The following ZNF782 variants were observed in gnomAD, a reference collection of about 807,000 sequenced individuals.
The protein encoded by ZNF782 is zinc finger protein 782.
In ZNF782, 12 loss-of-function variants were observed where a neutral mutation model predicts 13.0. The observed-to-expected ratio is 0.92, with a 90% CI of 0.59 to 1.50. The LOEUF is 1.50. Ranked by LOEUF, ZNF782 falls within the 40% of genes most tolerant of loss-of-function variation. ZNF782 has a pLI of 0.00. For synonymous variants in ZNF782, 284 were observed against 283.0 expected (o/e 1.00, Z -0.04); for missense variants, 770 against 822.9 (o/e 0.94, Z 0.79).
intron 4 of ZNF782, among the ~76,000 whole-genome samples, chr9:96,834,583 C>A (rs572478837): frequency 2.0e-5 from 3 of 152,208 alleles, no homozygotes; most frequent in Non-Finnish European, 4.4e-5. Flanking sequence ...TTTGCACATG[C>A]TTGCTCCCCT....
At chr9:96,917,353 C>T in the ZNF782 span, among the ~76,000 whole-genome samples, 3,739 of 151,272 alleles carry the variant, frequency 0.025, 155 homozygotes, top group African/African-American at 0.086. Context: ...TTTAGCAAGG[C>T]TATTTGTGGT....
the ZNF782 span, chr9:96,893,906 G>A: frequency 4.9e-5 from 7 of 142,516 alleles, no homozygotes; most frequent in South Asian, 2.1e-4. Context: ...AGGCTGAGGC[G>A]GGAGAATGCC....
At chr9:96,886,208 G>GAAAAAAAAAAAAAAAAAAAAAA in the ZNF782 span, among the ~76,000 whole-genome samples, 1 of 88,410 alleles carries the variant, frequency 1.1e-5, no homozygotes. Context: ...TTTAAGTACA[G>GAAAAAAAAAAAAAAAAAAAAAA]AAAAAAAAAA....
chr9:96,927,122 C>T, the ZNF782 span, among the ~76,000 whole-genome samples: 1 of 152,120 alleles, frequency 6.6e-6, no homozygotes, highest in Non-Finnish European at 1.5e-5. Context: ...TTTTTAAAGA[C>T]AGGCTACAAT....
chr9:96,911,460 A>G, the ZNF782 span, among the ~76,000 whole-genome samples: 3 of 147,218 alleles, frequency 2.0e-5, no homozygotes, highest in Non-Finnish European at 4.5e-5. Flanking sequence ...AAAAAAAAAA[A>G]AGATTGTTTT....
At chr9:96,905,688 C>T in the ZNF782 span, among the ~76,000 whole-genome samples, 1 of 152,156 alleles carries the variant, frequency 6.6e-6, no homozygotes, top group African/African-American at 2.4e-5. Context: ...TGGGTTCAAG[C>T]AATTCTCCTG....
At chr9:96,888,558 TTTGA>T in the ZNF782 span, 9 of 152,146 alleles carry the variant, frequency 5.9e-5, no homozygotes, top group Non-Finnish European at 7.4e-5. Flanking sequence ...TAAGAGTGTG[TTTGA>T]TTATGAGAAA....
At chr9:96,895,994 G>A in the ZNF782 span, 3 of 152,210 alleles carry the variant, frequency 2.0e-5, no homozygotes, top group Non-Finnish European at 4.4e-5. Flanking sequence ...AGGATGCAGA[G>A]GTGGTACTTT....
At position 96,818,488 on chromosome 9, in the gene ZNF782, C is replaced by T; in HGVS notation, c.1535G>A (p.Gly512Glu). 2 of 1,613,694 alleles carry T rather than the reference C, an allele frequency of 1.2e-6. No individual in the cohort carries two copies. Among genetic ancestry groups the T allele is most frequent in the East Asian group, 2.2e-5 (1 of 44,858 alleles). The part of the protein sequence containing the change: ...GERPYKCDEC[G>E]KAFKLKSGLR... The stretch of plus-strand genomic sequence containing the variant: ...GCCTGACTTCAGTTTGAAAGCTTTC[C>T]CACATTCATCACATTTATATGGTCT... The change falls in exon 6 of 6, where the codon GGG becomes GAG. Residue 512 changes from glycine to glutamate, a missense_variant. By Grantham distance (98) the Gly-to-Glu change is moderately conservative. Transcript: ENST00000481138.
At position 96,817,815 on chromosome 9, in the gene ZNF782, A is replaced by G; in HGVS notation, c.*108T>C. On this transcript the variant is annotated 3_prime_UTR_variant, in exon 6 of 6. Coordinates refer to ENST00000481138, the MANE Select transcript of ZNF782 (RefSeq NM_001001662.3). The stretch of plus-strand genomic sequence containing the variant: ...TTGGTGGAGGCTGAAATTGTAGAGG[A>G]AATTCCAGTGCTCACTATGTTAACA... 1.0e-6 allele frequency: 1 copy of G among 958,380 alleles called. No individual in the cohort carries two copies. The highest frequency in any genetic ancestry group is 1.5e-6 in the Non-Finnish European group (1 of 669,292). The allele number at this position is 958,380 out of a possible 1,614,324, so 59.4% of individuals were successfully genotyped here.
intron 5 of ZNF782, among the ~76,000 whole-genome samples, chr9:96,822,742 T>C (rs1850468762): frequency 6.6e-6 from 1 of 152,178 alleles, no homozygotes; most frequent in South Asian, 2.1e-4. Context: ...AGCACTGCTT[T>C]ATCTATATCC....
rs1051269558 is a variant in ZNF782, at chr9:96,818,321, C to T, written c.1702G>A (p.Gly568Arg). Reference protein sequence around the residue: ...GEKPYKCNHCGEAFSQKSNLR... With the variant: ...GEKPYKCNHCREAFSQKSNLR... ...TTTGATTTCTGACTGAAAGCTTCCCCACAATGATTACATTTATAGGGTTTT... is the reference window on the plus strand; with the variant it reads ...TTTGATTTCTGACTGAAAGCTTCCCTACAATGATTACATTTATAGGGTTTT... The change falls in exon 6 of 6, where the codon GGG (glycine) becomes AGG (arginine). Residue 568 changes from glycine to arginine, a missense_variant. Transcript: ENST00000481138. 6.2e-7 allele frequency: 1 copy of T among 1,614,136 alleles called. No individual in the cohort carries two copies. The highest frequency in any genetic ancestry group is 1.7e-5 in the Admixed American group (1 of 60,014).
At chr9:96,876,429 CG>C (rs1420513245), upstream of ZNF782, among the ~76,000 whole-genome samples, 3 of 152,280 alleles carry the variant, frequency 2.0e-5, no homozygotes, top group East Asian at 5.8e-4. Flanking sequence ...CCGTTTCCTA[CG>C]TTTCTGTGTG....
chr9:96,888,336 A>G, the ZNF782 span: 1 of 152,186 alleles, frequency 6.6e-6, no homozygotes, highest in Non-Finnish European at 1.5e-5. Flanking sequence ...AAATTAATTT[A>G]CTATGAAGAC....
chr9:96,929,161 C>T, the ZNF782 span: 1 of 1,536,732 alleles, frequency 6.5e-7, no homozygotes, highest in Non-Finnish European at 9.0e-7. Flanking sequence ...ACTGGATGTC[C>T]CCAAGGACAT....
intron 4 of ZNF782, among the ~76,000 whole-genome samples, chr9:96,828,114 T>C (rs1850686844): frequency 1.3e-5 from 2 of 152,022 alleles, no homozygotes; most frequent in South Asian, 4.2e-4. Flanking sequence ...TATAAGAGAA[T>C]CACTCAAGGT....
At chr9:96,924,728 G>C in the ZNF782 span, among the ~76,000 whole-genome samples, 1 of 152,166 alleles carries the variant, frequency 6.6e-6, no homozygotes, top group Non-Finnish European at 1.5e-5. Flanking sequence ...TTGCTGAAAT[G>C]CATCACGGTT....
chr9:96,899,747 G>C, the ZNF782 span, among the ~76,000 whole-genome samples: 2 of 152,128 alleles, frequency 1.3e-5, no homozygotes, highest in Non-Finnish European at 2.9e-5. Flanking sequence ...TCTCAATAAT[G>C]AACCTGCCTA....
At position 96,848,635 on chromosome 9, in the gene ZNF782, G is replaced by T. The variant is rs144790779; in HGVS notation, c.15+3312C>A. Among the ~76,000 whole-genome samples, 30 of 152,204 alleles carry T rather than the reference G, an allele frequency of 2.0e-4. No individual in the cohort carries two copies. The East Asian group carries it at 5.4e-3, about 27-fold the overall frequency. ...AATATACTTAACCAAGGAGGTGAAA[G>T]ATCTCTACAAGAACTACATAACACT... is the stretch of plus-strand genomic sequence containing the variant. On this transcript the variant is annotated intron_variant, in intron 3 of 5. Coordinates refer to ENST00000481138, the MANE Select transcript of ZNF782 (RefSeq NM_001001662.3).
Sources: allele counts gnomAD v4.1 joint callset (sites outside exome capture counted in the v4.1 genomes callset), GRCh38; gene constraint gnomAD v4.1.1; transcripts MANE v1.5; gene names NCBI Gene and HGNC (gene_info 2026-07-23, HGNC 2026-07-21).